Variants in TTC7B observed in about 807,000 individuals in gnomAD.
TTC7B encodes tetratricopeptide repeat protein 7B.
In TTC7B, 28 loss-of-function variants were observed where a neutral mutation model predicts 106.8. The observed-to-expected ratio is 0.26, with a 90% CI of 0.19 to 0.36. TTC7B has a LOEUF of 0.36. TTC7B is among the 10% of genes least tolerant of loss of function. The pLI is 1.00. For missense variants in TTC7B, 862 were observed against 1,076.4 expected (o/e 0.80, Z 2.79); for synonymous variants, 405 against 430.6 (o/e 0.94, Z 0.74).
chr14:90,634,344 C>T (rs1884836629), intron 15 of TTC7B, among the ~76,000 whole-genome samples: 2 of 151,810 alleles, frequency 1.3e-5, no homozygotes, highest in Admixed American at 6.6e-5. Context: ...CGACAAGACA[C>T]ATGAAAATGG....
intron 3 of TTC7B, among the ~76,000 whole-genome samples, chr14:90,758,452 G>C (rs1364373791): frequency 6.9e-6 from 1 of 144,542 alleles, no homozygotes; most frequent in Non-Finnish European, 1.5e-5. Context: ...AACGCGAGGG[G>C]AGGGGAGATG....
intron 15 of TTC7B, among the ~76,000 whole-genome samples, chr14:90,625,625 C>G (rs780569423): frequency 6.6e-6 from 1 of 152,178 alleles, no homozygotes; most frequent in Non-Finnish European, 1.5e-5. Context: ...CAGCTGTGCA[C>G]GTCCTGGAGC....
chr14:90,526,285 T>C lies in TTC7B; in HGVS notation c.*15083A>G, dbSNP rs1210217043. The C allele has an allele frequency of 1.3e-5, 2 of 152,252 alleles. No homozygotes were observed. Among genetic ancestry groups the C allele is most frequent in the African/African-American group, 4.8e-5 (2 of 41,462 alleles). 9.4% of individuals were successfully genotyped at this position (152,252 alleles called of 1,614,324 possible). ...GCATTTCCCTAGTGAGTAATGATGT[T>C]GAACATTTCTTCATGTGCTTGTTGG... On this transcript the variant is annotated 3_prime_UTR_variant, in exon 20 of 20. Transcript: ENST00000328459.
chr14:90,720,248 C>T (rs1245376883), intron 5 of TTC7B, among the ~76,000 whole-genome samples: 1 of 152,056 alleles, frequency 6.6e-6, no homozygotes. Flanking sequence ...TCAGGAAAAC[C>T]CCCCATGACC....
In TTC7B at chr14:90,685,859, C is replaced by CA. The variant is rs554455442; in HGVS notation, c.950+3680dup. 1.4e-3 allele frequency among the ~76,000 whole-genome samples: 205 copies of CA among 151,212 alleles called. 1 individual carries two copies. Among genetic ancestry groups the CA allele is most frequent in the Admixed American group, 8.9e-3 (136 of 15,200 alleles). ...GATTGAATTAGCATTTAAAAAAAAA[C>CA]AAAAAAAACTTCCTACAAAGAAAGC... is the stretch of plus-strand genomic sequence containing the variant. On this transcript the variant is annotated intron_variant, in intron 7 of 19. Coordinates refer to ENST00000328459, the MANE Select transcript of TTC7B (RefSeq NM_001010854.2).
chr14:90,704,541 C>A (rs1467028056), intron 5 of TTC7B, among the ~76,000 whole-genome samples: 1 of 152,222 alleles, frequency 6.6e-6, no homozygotes, highest in Non-Finnish European at 1.5e-5. Context: ...AATGTGACTA[C>A]CTCCTATGAC....
chr14:90,766,871 T>C, intron 3 of TTC7B: 2 of 1,596,556 alleles, frequency 1.3e-6, no homozygotes, highest in South Asian at 1.1e-5. Context: ...CTGGAGCGAC[T>C]GAAGAAGATT....
At chr14:90,641,598 G>A (rs74081261) in intron 15 of TTC7B, among the ~76,000 whole-genome samples, 1,850 of 152,274 alleles carry the variant, frequency 0.012, 37 homozygotes, top group African/African-American at 0.042. Context: ...GTTTCCCATC[G>A]CAAAGAAATA....
In TTC7B at chr14:90,657,910, C is replaced by CTAATATAA; in HGVS notation, c.1236+393_1236+394insTTATATTA. ...TATCCTGCCGTTGGACTCCCTCAGC[C>CTAATATAA]CACATTTTCATCCAGTATCATGCAC... On this transcript the variant is annotated intron_variant, in intron 10 of 19. Transcript: ENST00000328459. The surrounding 1 kb of genome is among the most constrained non-coding windows in gnomAD (Gnocchi z 4.2). 1 of 198,734 alleles carries CTAATATAA rather than the reference C, an allele frequency of 5.0e-6. No individual in the cohort carries two copies. The highest frequency in any genetic ancestry group is 8.3e-5 in the South Asian group (1 of 12,052). The allele number at this position is 198,734 out of a possible 1,614,324, so 12.3% of individuals were successfully genotyped here. A position where few individuals can be genotyped will look rare whatever the true frequency, so the allele number is the denominator to read the frequency against.
At chr14:90,694,126 G>C (rs991646525) in intron 6 of TTC7B, among the ~76,000 whole-genome samples, 1 of 152,196 alleles carries the variant, frequency 6.6e-6, no homozygotes, top group Admixed American at 6.5e-5. Flanking sequence ...AATTAGTCAG[G>C]TGTGGTGATG....
At chr14:90,610,887 G>A (rs1343096348) in intron 16 of TTC7B, 48 bp from the exon 17 acceptor site, 1 of 1,413,244 alleles carries the variant, frequency 7.1e-7, no homozygotes, top group Non-Finnish European at 1.0e-6. Flanking sequence ...GTGGGAGGAG[G>A]GAAGGAAAGA....
intron 18 of TTC7B, among the ~76,000 whole-genome samples, chr14:90,591,417 T>C (rs1409950567): frequency 6.6e-6 from 1 of 152,186 alleles, no homozygotes; most frequent in African/African-American, 2.4e-5. Context: ...AATAATCAGC[T>C]ACAAAATTTC....
intron 5 of TTC7B, among the ~76,000 whole-genome samples, chr14:90,704,572 G>C (rs1007016592): frequency 6.6e-6 from 1 of 152,188 alleles, no homozygotes; most frequent in African/African-American, 2.4e-5. Flanking sequence ...GGCATCCCAG[G>C]GACAGGAGAG....
chr14:90,527,215 T>C lies in TTC7B; in HGVS notation c.*14153A>G, dbSNP rs973841170. Reference sequence around the variant, plus strand: ...CGACTCATCACTGGGAATGCTGACCTTCATTGACTGGTGAAGGTGATGTCC... The same window carrying C: ...CGACTCATCACTGGGAATGCTGACCCTCATTGACTGGTGAAGGTGATGTCC... On this transcript the variant is annotated 3_prime_UTR_variant, in exon 20 of 20. Transcript: ENST00000328459. The C allele has an allele frequency of 6.6e-6, 1 of 152,030 alleles. No homozygotes were observed. Among genetic ancestry groups the C allele is most frequent in the African/African-American group, 2.4e-5 (1 of 41,398 alleles). 9.4% of individuals were successfully genotyped at this position (152,030 alleles called of 1,614,324 possible).
At chr14:90,741,547 C>G (rs1032722721) in intron 4 of TTC7B, among the ~76,000 whole-genome samples, 6 of 152,062 alleles carry the variant, frequency 3.9e-5, no homozygotes, top group Non-Finnish European at 7.4e-5. Flanking sequence ...AGGGCTGATC[C>G]CAAAATAAAG....
At chr14:90,646,732 T>C in intron 14 of TTC7B, 1 of 544,506 alleles carries the variant, frequency 1.8e-6, no homozygotes, top group Non-Finnish European at 3.3e-6. Context: ...GTGGATTTAA[T>C]GTCCAATAGC....
chr14:90,805,511 C>A lies in TTC7B; in HGVS notation c.121+10664G>T, dbSNP rs1189798479. Reference sequence around the variant, plus strand: ...GAAATCCTCACCTCAGGGGATCTACCCACCGTGGCCTCCCAAACTGCTGGG... The same window carrying A: ...GAAATCCTCACCTCAGGGGATCTACACACCGTGGCCTCCCAAACTGCTGGG... On this transcript the variant is annotated intron_variant, in intron 1 of 19. Transcript: ENST00000328459. The surrounding 1 kb of genome is among the most constrained non-coding windows in gnomAD (Gnocchi z 4.0). Among the ~76,000 whole-genome samples, 1 of 152,176 alleles carries A rather than the reference C, an allele frequency of 6.6e-6. No homozygotes were observed. Among genetic ancestry groups the A allele is most frequent in the East Asian group, 1.9e-4 (1 of 5,192 alleles).
intron 5 of TTC7B, among the ~76,000 whole-genome samples, chr14:90,702,051 T>A (rs1274105834): frequency 6.6e-6 from 1 of 152,144 alleles, no homozygotes; most frequent in Non-Finnish European, 1.5e-5. Context: ...CACCCGGGAA[T>A]CCATATGTTT....
chr14:90,576,435 T>C lies in TTC7B; in HGVS notation c.2310+1671A>G, dbSNP rs560073126. Among the ~76,000 whole-genome samples, 4 of 152,300 alleles carry C rather than the reference T, an allele frequency of 2.6e-5. No individual in the cohort carries two copies. The South Asian group carries it at 8.3e-4, about 32-fold the overall frequency. On this transcript the variant is annotated intron_variant, in intron 19 of 19. Coordinates refer to ENST00000328459, the MANE Select transcript of TTC7B (RefSeq NM_001010854.2). ...GCCACAGAAGACTCACAAAGGGAAG[T>C]TGGAAAAAATTAAGTAGCTGTAATT... is the stretch of plus-strand genomic sequence containing the variant.
Sources: allele counts gnomAD v4.1 joint callset (sites outside exome capture counted in the v4.1 genomes callset), GRCh38; gene constraint gnomAD v4.1.1; non-coding constraint Gnocchi (gnomAD v3.1); transcripts MANE v1.5; gene names NCBI Gene and HGNC (gene_info 2026-07-23, HGNC 2026-07-21).